Variants in ZFAND3 observed in about 807,000 individuals in gnomAD.
The protein encoded by ZFAND3 is AN1-type zinc finger protein 3.
A neutral mutation model predicts 29.6 loss-of-function variants in ZFAND3; 10 were observed. The ratio of observed to expected loss-of-function variants is 0.34; its 90% CI spans 0.21 to 0.57. The LOEUF is 0.57. Ranked by LOEUF, ZFAND3 falls within the 20% of genes least tolerant of loss-of-function variation. The pLI, the probability that ZFAND3 is intolerant of heterozygous loss-of-function variation, is 0.86. For missense variants in ZFAND3, 230 were observed against 304.5 expected, an observed-to-expected ratio of 0.76 and a Z score of 1.82; for synonymous variants, 128 against 112.6, an observed-to-expected ratio of 1.14 and a Z score of -0.87.
chr6:38,100,371 A>G (rs1455143784), intron 4 of ZFAND3, among the ~76,000 whole-genome samples: 1 of 152,184 alleles, frequency 6.6e-6, no homozygotes, highest in Non-Finnish European at 1.5e-5. Context: ...TGATAAACCT[A>G]TTTCTAGAAG....
chr6:37,835,771 C>G (rs1483390280), intron 1 of ZFAND3, among the ~76,000 whole-genome samples: 1 of 152,048 alleles, frequency 6.6e-6, no homozygotes, highest in African/African-American at 2.4e-5. Flanking sequence ...TAGCATACGA[C>G]ACACTATTCC....
At chr6:38,058,349 T>C (rs1764172009) in intron 2 of ZFAND3, among the ~76,000 whole-genome samples, 1 of 152,172 alleles carries the variant, frequency 6.6e-6, no homozygotes, top group Non-Finnish European at 1.5e-5. Flanking sequence ...ATTATTGACA[T>C]AGGAGAGCTA....
intron 3 of ZFAND3, among the ~76,000 whole-genome samples, chr6:38,077,442 G>GTTAA (rs149213826): frequency 0.089 from 13,524 of 152,202 alleles, 767 homozygotes; most frequent in East Asian, 0.28. Context: ...TAAATGTCAT[G>GTTAA]TTAAGTAAGA....
At chr6:38,105,884 G>A (rs1765197734) in intron 4 of ZFAND3, among the ~76,000 whole-genome samples, 1 of 152,158 alleles carries the variant, frequency 6.6e-6, no homozygotes, top group South Asian at 2.1e-4. Flanking sequence ...CCAATATTAG[G>A]TAAATAAGGC....
chr6:37,953,566 T>C (rs1009773790), intron 2 of ZFAND3, among the ~76,000 whole-genome samples: 1 of 150,774 alleles, frequency 6.6e-6, no homozygotes, highest in Non-Finnish European at 1.5e-5. Flanking sequence ...AATCATCTCA[T>C]CTTAGCCTTC....
chr6:38,081,369 G>A (rs1288354024), intron 3 of ZFAND3, among the ~76,000 whole-genome samples: 1 of 152,010 alleles, frequency 6.6e-6, no homozygotes, highest in African/African-American at 2.4e-5. Flanking sequence ...AGCTCCTTAG[G>A]TGGGCTCTCC....
chr6:38,077,324 T>C (rs1764573975), intron 3 of ZFAND3, among the ~76,000 whole-genome samples: 1 of 152,128 alleles, frequency 6.6e-6, no homozygotes, highest in African/African-American at 2.4e-5. Context: ...AGGTAAACAA[T>C]GTACAGATTA....
At position 37,964,164 on chromosome 6, in the gene ZFAND3, A is replaced by G. The variant is rs186465755; in HGVS notation, c.112+34165A>G. On this transcript the variant is annotated intron_variant, in intron 2 of 5. Transcript: ENST00000287218. ...AATCTTTCCTCAAGACTTCTGGACT[A>G]TTGCTGTCTTTTCAAAGATCAGGTA... 3.7e-3 allele frequency among the ~76,000 whole-genome samples: 557 copies of G among 152,268 alleles called. 3 individuals are homozygous for G. The highest frequency in any genetic ancestry group is 0.014 in the Middle Eastern group (4 of 294).
intron 1 of ZFAND3, among the ~76,000 whole-genome samples, chr6:37,872,071 T>G (rs756452627): frequency 5.9e-5 from 9 of 152,196 alleles, no homozygotes; most frequent in Non-Finnish European, 1.2e-4. Flanking sequence ...CTTTTCTTGA[T>G]TTCCCCCTCC....
At chr6:38,112,640 G>T (rs953818483) in intron 4 of ZFAND3, among the ~76,000 whole-genome samples, 1 of 152,180 alleles carries the variant, frequency 6.6e-6, no homozygotes, top group African/African-American at 2.4e-5. Context: ...GTAGTAGATG[G>T]TTGCTTTAAT....
intron 2 of ZFAND3, among the ~76,000 whole-genome samples, chr6:38,035,427 A>G (rs1275428135): frequency 6.6e-6 from 1 of 152,212 alleles, no homozygotes; most frequent in Non-Finnish European, 1.5e-5. Context: ...GATAATACAT[A>G]TATAATAATT....
chr6:37,854,029 G>A (rs888047978), intron 1 of ZFAND3, among the ~76,000 whole-genome samples: 6 of 152,050 alleles, frequency 3.9e-5, no homozygotes, highest in African/African-American at 1.2e-4. Context: ...TTGGCTCATT[G>A]CAACCTCCGC....
At chr6:38,059,773 G>C (rs928899072) in intron 2 of ZFAND3, among the ~76,000 whole-genome samples, 5 of 152,042 alleles carry the variant, frequency 3.3e-5, no homozygotes, top group African/African-American at 9.7e-5. Context: ...GCTACTCGGG[G>C]GCTGAGGCAG....
chr6:37,907,092 C>T (rs888728568), intron 1 of ZFAND3, among the ~76,000 whole-genome samples: 36 of 151,768 alleles, frequency 2.4e-4, no homozygotes, highest in Non-Finnish European at 4.6e-4. Context: ...AATTTTATAG[C>T]TTAGCCTGAT....
chr6:38,102,663 G>C (rs1430981432), intron 4 of ZFAND3, among the ~76,000 whole-genome samples: 1 of 152,168 alleles, frequency 6.6e-6, no homozygotes, highest in Non-Finnish European at 1.5e-5. Context: ...CCCAAAAGTT[G>C]TATAATTTTA....
rs189113638 is a variant in ZFAND3, at chr6:38,015,197, T to G, written c.113-46396T>G. ...GTTAGTTAACTGTGCTTTTGTAGTT[T>G]CTTTAAGGATTGTGGCTAGTAATTA... On this transcript the variant is annotated intron_variant, in intron 2 of 5. Transcript: ENST00000287218. Among the ~76,000 whole-genome samples the G allele has an allele frequency of 1.6e-3, 240 of 152,334 alleles. 1 individual carries two copies. The highest frequency in any genetic ancestry group is 3.4e-3 in the Middle Eastern group (1 of 294).
chr6:37,888,049 A>G (rs1765026991), intron 1 of ZFAND3, among the ~76,000 whole-genome samples: 1 of 152,208 alleles, frequency 6.6e-6, no homozygotes, highest in Non-Finnish European at 1.5e-5. Context: ...AGAAAAAACA[A>G]AACAAAACTG....
chr6:37,870,274 G>A lies in ZFAND3; in HGVS notation c.71+50258G>A, dbSNP rs148304523. On this transcript the variant is annotated intron_variant, in intron 1 of 5. Coordinates refer to ENST00000287218, the MANE Select transcript of ZFAND3 (RefSeq NM_021943.3). ...TGTGCCATTGTACCCCAGCCTGGGC[G>A]ACAGAGCGAGACTGTCTCAAAAAAA... Among the ~76,000 whole-genome samples the A allele has an allele frequency of 4.6e-4, 55 of 119,082 alleles. No homozygotes were observed. The East Asian group carries it at 0.012, about 27-fold the overall frequency. The allele number at this position is 119,082 out of a possible 152,430, so 78.1% of individuals were successfully genotyped here.
At chr6:38,050,089 G>A (rs1447029316) in intron 2 of ZFAND3, among the ~76,000 whole-genome samples, 1 of 150,834 alleles carries the variant, frequency 6.6e-6, no homozygotes. Context: ...TGAGTAGCTG[G>A]GATCACAGGT....
Sources: allele counts gnomAD v4.1 joint callset (sites outside exome capture counted in the v4.1 genomes callset), GRCh38; gene constraint gnomAD v4.1.1; transcripts MANE v1.5; gene names NCBI Gene and HGNC (gene_info 2026-07-23, HGNC 2026-07-21).